Variants in TBX5 observed in about 807,000 individuals in gnomAD.
The protein encoded by TBX5 is T-box transcription factor TBX5.
Under a neutral mutation model 51.1 loss-of-function variants are expected in TBX5, and 8 were observed. That is an observed-to-expected ratio of 0.16 (90% CI 0.09 to 0.28). TBX5 has a LOEUF of 0.28. Ranked by LOEUF, TBX5 falls within the 10% of genes least tolerant of loss-of-function variation. The pLI is 1.00. For synonymous variants in TBX5, 302 were observed against 266.4 expected (o/e 1.13, Z -1.30); for missense variants, 589 against 671.7 (o/e 0.88, Z 1.36).
chr12:114,397,973 C>T (rs1486081256), intron 5 of TBX5, among the ~76,000 whole-genome samples: 1 of 152,188 alleles, frequency 6.6e-6, no homozygotes, highest in Non-Finnish European at 1.5e-5. Context: ...GTGGTCCAGC[C>T]TCTGTGCAGT....
At chr12:114,381,168 C>A (rs1435492617) in intron 7 of TBX5, among the ~76,000 whole-genome samples, 1 of 152,182 alleles carries the variant, frequency 6.6e-6, no homozygotes, top group African/African-American at 2.4e-5. Context: ...GGGGGAACAG[C>A]CAGACATTTG....
Position 114,403,912 on chromosome 12 carries a change from C to A in TBX5, c.-14G>T. Reference sequence around the variant, plus strand: ...TGCGTCGGCCATGGTGCGCCCAGGGCCCTGTGCCCGCGCAAGGTTCTGCTC... The same window carrying A: ...TGCGTCGGCCATGGTGCGCCCAGGGACCTGTGCCCGCGCAAGGTTCTGCTC... On this transcript the variant is annotated 5_prime_UTR_variant, in exon 2 of 9. Transcript: ENST00000405440. The A allele has an allele frequency of 1.2e-6, 2 of 1,609,770 alleles. No individual in the cohort carries two copies. Among genetic ancestry groups the A allele is most frequent in the Non-Finnish European group, 1.7e-6 (2 of 1,179,666 alleles).
chr12:114,363,728 C>T (rs142485314), intron 8 of TBX5, among the ~76,000 whole-genome samples: 2 of 152,198 alleles, frequency 1.3e-5, no homozygotes, highest in Non-Finnish European at 2.9e-5. Context: ...TTGTTTGGAA[C>T]CTTTCTGAGC....
At position 114,377,307 on chromosome 12, in the gene TBX5, T is replaced by A. The variant is rs567668832; in HGVS notation, c.755+8169A>T. The stretch of plus-strand genomic sequence containing the variant: ...TTAAGAGCTGAAAATTAATTTAAAA[T>A]CAGGAAGGAAGTAATAGAAGAGGGA... On this transcript the variant is annotated intron_variant, in intron 7 of 8. Transcript: ENST00000405440. 1.2e-3 allele frequency among the ~76,000 whole-genome samples: 182 copies of A among 152,284 alleles called. 1 individual carries two copies. The highest frequency in any genetic ancestry group is 3.9e-3 in the South Asian group (19 of 4,824).
intron 8 of TBX5, among the ~76,000 whole-genome samples, chr12:114,365,277 T>C (rs996975449): frequency 4.0e-5 from 6 of 151,198 alleles, no homozygotes; most frequent in African/African-American, 1.5e-4. Flanking sequence ...GAAGCATTGA[T>C]AGTCACAAGG....
rs763125466 is a variant in TBX5, at chr12:114,403,861, G to T, written c.38C>A (p.Thr13Lys). The stretch of plus-strand genomic sequence containing the variant: ...GTCTTTTGCGTCAGGCTCCAGAGGC[G>T]TGTGCGCCAGGCCAAAGCCCTCGTC... ...DADEGFGLAH[T>K]PLEPDAKDLP... is the part of the protein sequence containing the mutation. The change falls in exon 2 of 9, where the codon ACG (threonine) becomes AAG (lysine). Residue 13 changes from threonine to lysine, a missense_variant. Thr to Lys is a moderately conservative substitution (Grantham distance 78, BLOSUM62 -1). Around this residue, in one of 7 missense-constraint regions of TBX5, gnomAD observed 101 missense variants for 83.3 expected, o/e 1.21. Coordinates refer to ENST00000405440, the MANE Select transcript of TBX5 (RefSeq NM_181486.4). 9 of 1,613,758 alleles carry T rather than the reference G, an allele frequency of 5.6e-6. No homozygotes were observed. Among genetic ancestry groups the T allele is most frequent in the East Asian group, 4.5e-5 (2 of 44,850 alleles).
Position 114,405,886 on chromosome 12 carries a change from C to T in TBX5, c.-297G>A. The T allele has an allele frequency of 1.0e-6, 1 of 985,514 alleles. No individual in the cohort carries two copies. The highest frequency in any genetic ancestry group is 1.2e-6 in the Non-Finnish European group (1 of 830,020). 61.0% of individuals were successfully genotyped at this position (985,514 alleles called of 1,614,324 possible). A position where few individuals can be genotyped will look rare whatever the true frequency, so the allele number is the denominator to read the frequency against. ...TTCCCAGTTGGCAAGCGCCAAAGAA[C>T]ACAAAATAGCCTCCAAGAGCACCGG... On this transcript the variant is annotated 5_prime_UTR_variant, in exon 1 of 9. Transcript: ENST00000405440.
chr12:114,355,820 G>A lies in TBX5; in HGVS notation c.1269C>T (p.Tyr423=), dbSNP rs756049331. 1 of 1,614,100 alleles carries A rather than the reference G, an allele frequency of 6.2e-7. No homozygotes were observed. Among genetic ancestry groups the A allele is most frequent in the East Asian group, 2.2e-5 (1 of 44,880 alleles). ...AGGTGAAGTGAGCGGAGAAGTGCTGGTAGGGTAGCCTGTCCATGGGCTGCA... is the reference window on the plus strand; with the variant it reads ...AGGTGAAGTGAGCGGAGAAGTGCTGATAGGGTAGCCTGTCCATGGGCTGCA... ...TTVQPMDRLP[Y]QHFSAHFTSG... The change falls in exon 9 of 9, where the codon TAC becomes TAT. Residue 423 remains tyrosine (Y), a synonymous_variant. Coordinates refer to ENST00000405440, the MANE Select transcript of TBX5 (RefSeq NM_181486.4).
intron 7 of TBX5, among the ~76,000 whole-genome samples, chr12:114,382,825 A>G (rs970143553): frequency 1.3e-5 from 2 of 151,942 alleles, no homozygotes; most frequent in Non-Finnish European, 2.9e-5. Flanking sequence ...AAATAAAAAC[A>G]TACAAATTTA....
At chr12:114,397,415 C>T (rs1426148344) in intron 5 of TBX5, among the ~76,000 whole-genome samples, 2 of 152,194 alleles carry the variant, frequency 1.3e-5, no homozygotes, top group African/African-American at 2.4e-5. Context: ...ATGCCCAAGA[C>T]GAATGTACCC....
chr12:114,399,657 G>A (rs891819123), intron 3 of TBX5, 25 bp from the exon 4 acceptor site: 2 of 1,613,944 alleles, frequency 1.2e-6, no homozygotes, highest in African/African-American at 1.3e-5. Context: ...CGGAGGGAGA[G>A]AGGGGGGCGG....
rs10850335 is a variant in TBX5, at chr12:114,375,303, T to C, written c.756-8912A>G. On this transcript the variant is annotated intron_variant, in intron 7 of 8. Transcript: ENST00000405440. ...GAGAAAACTGTTGAAGGGCAGTTTC[T>C]GACCCATCCCTGAAGCCACTGACTC... Among the ~76,000 whole-genome samples the C allele has an allele frequency of 0.035, 5,293 of 152,276 alleles. 397 individuals are homozygous for C. The East Asian group carries it at 0.35, about 10-fold the overall frequency.
intron 5 of TBX5, among the ~76,000 whole-genome samples, chr12:114,395,587 C>A (rs1381998753): frequency 6.6e-6 from 1 of 152,138 alleles, no homozygotes; most frequent in African/African-American, 2.4e-5. Context: ...ACCACCCACA[C>A]CCCTCAAAGA....
intron 8 of TBX5, 129 bp from the exon 9 acceptor site, chr12:114,356,235 A>C (rs1868909401): frequency 1.1e-6 from 1 of 912,256 alleles, no homozygotes. Flanking sequence ...CGCCATTCTG[A>C]ATACAAAAAA....
At chr12:114,392,049 GA>G (rs1384219761) in intron 6 of TBX5, among the ~76,000 whole-genome samples, 1 of 151,210 alleles carries the variant, frequency 6.6e-6, no homozygotes, top group Non-Finnish European at 1.5e-5. Flanking sequence ...AATCAATACA[GA>G]AAAAAAAGCA....
chr12:114,403,620 T>G, intron 2 of TBX5, 132 bp downstream of exon 2: 1 of 1,345,712 alleles, frequency 7.4e-7, no homozygotes, highest in Non-Finnish European at 1.0e-6. Context: ...AAAGGGATGA[T>G]TATAGTCGTT....
upstream of TBX5, chr12:114,406,948 G>T (rs1402643884): frequency 2.4e-5 from 15 of 626,458 alleles, no homozygotes; most frequent in Non-Finnish European, 2.6e-5. Flanking sequence ...ACCGAATATT[G>T]GTGCTTGGAG....
At chr12:114,377,674 C>T (rs1291600756) in intron 7 of TBX5, among the ~76,000 whole-genome samples, 1 of 151,502 alleles carries the variant, frequency 6.6e-6, no homozygotes, top group Non-Finnish European at 1.5e-5. Flanking sequence ...CTGTCTCAGC[C>T]TCCCAAAGTG....
intron 6 of TBX5, among the ~76,000 whole-genome samples, chr12:114,393,571 C>T (rs1269036940): frequency 6.6e-6 from 1 of 152,110 alleles, no homozygotes; most frequent in Non-Finnish European, 1.5e-5. Flanking sequence ...CCTGACAAGT[C>T]GAGACAAACT....
Sources: allele counts gnomAD v4.1 joint callset (sites outside exome capture counted in the v4.1 genomes callset), GRCh38; gene constraint gnomAD v4.1.1; regional missense constraint gnomAD v4.1.1; transcripts MANE v1.5; gene names NCBI Gene and HGNC (gene_info 2026-07-23, HGNC 2026-07-21).